The following CBFA2T3 variants were observed in gnomAD, a reference collection of about 807,000 sequenced individuals.
The protein encoded by CBFA2T3 is transcriptional corepressor CBFA2T3.
A neutral mutation model predicts 58.6 loss-of-function variants in CBFA2T3; 31 were observed. The observed-to-expected ratio is 0.53, with a 90% CI of 0.40 to 0.71. The LOEUF (loss-of-function observed/expected upper bound fraction) is 0.71. Among genes scored for constraint, CBFA2T3 ranks in the 30% least tolerant of loss-of-function variants. The pLI, the probability that CBFA2T3 is intolerant of heterozygous loss-of-function variation, is 0.00. For missense variants in CBFA2T3, 1,076 were observed against 963.1 expected, an observed-to-expected ratio of 1.12 and a Z score of -1.55; for synonymous variants, 531 against 421.9, an observed-to-expected ratio of 1.26 and a Z score of -3.17.
At chr16:88,931,715 G>C (rs181045921) in intron 1 of CBFA2T3, among the ~76,000 whole-genome samples, 125 of 152,288 alleles carry the variant, frequency 8.2e-4, no homozygotes, top group African/African-American at 2.8e-3. Context: ...TCAGGCCTCT[G>C]CTTGTCCCTC....
chr16:88,971,020 T>C (rs1972642757), intron 1 of CBFA2T3, among the ~76,000 whole-genome samples: 1 of 151,308 alleles, frequency 6.6e-6, no homozygotes, highest in Non-Finnish European at 1.5e-5. Context: ...GGGCTGTGAG[T>C]GCCGGAGGCC....
intron 1 of CBFA2T3, among the ~76,000 whole-genome samples, chr16:88,903,249 C>T (rs1446210826): frequency 6.6e-6 from 1 of 152,216 alleles, no homozygotes; most frequent in Non-Finnish European, 1.5e-5. Context: ...CCTCTTGCCG[C>T]CGGCTCCTTT....
intron 1 of CBFA2T3, among the ~76,000 whole-genome samples, chr16:88,904,261 C>A (rs1285962156): frequency 6.6e-6 from 1 of 152,118 alleles, no homozygotes; most frequent in South Asian, 2.1e-4. Flanking sequence ...TGGACAGAGG[C>A]TCACTGCAGG....
intron 1 of CBFA2T3, among the ~76,000 whole-genome samples, chr16:88,960,785 C>A (rs1972336577): frequency 6.6e-6 from 1 of 152,342 alleles, no homozygotes; most frequent in Middle Eastern, 3.4e-3. Context: ...TGTTTACACC[C>A]CCGTTAGGTT....
chr16:88,935,324 G>T (rs1971462114), intron 1 of CBFA2T3, among the ~76,000 whole-genome samples: 1 of 152,292 alleles, frequency 6.6e-6, no homozygotes, highest in South Asian at 2.1e-4. Flanking sequence ...AAGGCAAGGG[G>T]AGGGGCCCGG....
chr16:88,899,815 G>A (rs751446971), intron 2 of CBFA2T3, among the ~76,000 whole-genome samples: 4 of 152,202 alleles, frequency 2.6e-5, no homozygotes, highest in African/African-American at 4.8e-5. Flanking sequence ...CGGGTCTCCC[G>A]TGGTCCGTCC....
intron 1 of CBFA2T3, among the ~76,000 whole-genome samples, chr16:88,929,844 C>G (rs1971225766): frequency 6.6e-6 from 1 of 150,894 alleles, no homozygotes; most frequent in Admixed American, 6.6e-5. Flanking sequence ...CTGCATCATC[C>G]ACGCAAAAGC....
chr16:88,894,946 C>T (rs1435943810), intron 3 of CBFA2T3, among the ~76,000 whole-genome samples: 1 of 152,160 alleles, frequency 6.6e-6, no homozygotes, highest in Non-Finnish European at 1.5e-5. Flanking sequence ...CTTCCTGTGC[C>T]CTGGATGGTG....
chr16:88,962,808 C>T (rs11076740), intron 1 of CBFA2T3, among the ~76,000 whole-genome samples: 23,124 of 152,200 alleles, frequency 0.15, 2,010 homozygotes, highest in Middle Eastern at 0.25. Flanking sequence ...GTCTGTGCCC[C>T]GAACCCTGGA....
intron 1 of CBFA2T3, among the ~76,000 whole-genome samples, chr16:88,936,243 C>T (rs1014830421): frequency 2.6e-5 from 4 of 152,204 alleles, no homozygotes; most frequent in Admixed American, 6.5e-5. Flanking sequence ...TCCTGGGCGT[C>T]TCCCAGGTAT....
At chr16:88,970,235 G>A (rs999867653) in intron 1 of CBFA2T3, among the ~76,000 whole-genome samples, 1 of 152,236 alleles carries the variant, frequency 6.6e-6, no homozygotes, top group African/African-American at 2.4e-5. Context: ...GATCAGCTGG[G>A]TGTCAGGATG....
Position 88,976,802 on chromosome 16 carries a change from C to G in CBFA2T3, c.6G>C (p.Pro2=). 6.4e-7 allele frequency: 1 copy of G among 1,552,716 alleles called. No homozygotes were observed. Among genetic ancestry groups the G allele is most frequent in the Non-Finnish European group, 8.7e-7 (1 of 1,147,226 alleles). Residue 2 remains proline (P), a synonymous_variant, in exon 1 of 12, where the codon CCG becomes CCC. Transcript: ENST00000268679. The part of the protein sequence containing the change: M[P]ASRLRDRAAS... ...CTGCCCTGTCCCTCAGTCTTGAAGCCGGCATGAGGAGGGCCACCCTCAGGG... is the reference window on the plus strand; with the variant it reads ...CTGCCCTGTCCCTCAGTCTTGAAGCGGGCATGAGGAGGGCCACCCTCAGGG...
chr16:88,941,102 T>G lies in CBFA2T3; in HGVS notation c.151+35555A>C, dbSNP rs1246857169. 3 of 983,956 alleles carry G rather than the reference T, an allele frequency of 3.0e-6. No homozygotes were observed. In the East Asian group the frequency reaches 3.4e-4, roughly 113 times the overall value. The allele number at this position is 983,956 out of a possible 1,614,324, so 61.0% of individuals were successfully genotyped here. ...CCGGGAGTCGCTGCTCCTTCCAGCT[T>G]GGTCCCCGCCTCCACGACTCAGGGG... On this transcript the variant is annotated intron_variant, in intron 1 of 11. Transcript: ENST00000268679.
chr16:88,971,045 G>T (rs1012366235), intron 1 of CBFA2T3, among the ~76,000 whole-genome samples: 11 of 152,248 alleles, frequency 7.2e-5, no homozygotes, highest in African/African-American at 2.6e-4. Context: ...CGGTGGGGTC[G>T]GGCCGGGAGG....
chr16:88,965,341 C>G (rs1016637882), intron 1 of CBFA2T3, among the ~76,000 whole-genome samples: 5 of 152,212 alleles, frequency 3.3e-5, no homozygotes, highest in Admixed American at 2.6e-4. Flanking sequence ...AGACCAGATG[C>G]CAAACACTGG....
chr16:88,974,686 C>G (rs1389114603), intron 1 of CBFA2T3, among the ~76,000 whole-genome samples: 2 of 152,182 alleles, frequency 1.3e-5, no homozygotes, highest in South Asian at 2.1e-4. Flanking sequence ...TTTAGGAACT[C>G]TTGGGAGGCC....
Position 88,875,176 on chromosome 16 carries a change from A to G in CBFA2T3, c.*1800T>C, listed in dbSNP as rs1269298270. ...ACACAGATGCCAGGCCACGGGCCACACCACGCACACAGATGCCAAGCCACG... is the reference window on the plus strand; with the variant it reads ...ACACAGATGCCAGGCCACGGGCCACGCCACGCACACAGATGCCAAGCCACG... On this transcript the variant is annotated 3_prime_UTR_variant, in exon 12 of 12. Transcript: ENST00000268679. 292 of 220,220 alleles carry G rather than the reference A, an allele frequency of 1.3e-3. 2 individuals carry two copies. The highest frequency in any genetic ancestry group is 7.4e-3 in the Admixed American group (124 of 16,796). The allele number at this position is 220,220 out of a possible 1,614,324, so 13.6% of individuals were successfully genotyped here. A position where few individuals can be genotyped will look rare whatever the true frequency, so the allele number is the denominator to read the frequency against.
chr16:88,908,451 C>G (rs927774895), intron 1 of CBFA2T3, among the ~76,000 whole-genome samples: 2 of 152,192 alleles, frequency 1.3e-5, no homozygotes, highest in African/African-American at 2.4e-5. Flanking sequence ...CAGTTCCCAG[C>G]AAAATGTCAC....
At chr16:88,943,623 G>C (rs1971820424) in intron 1 of CBFA2T3, among the ~76,000 whole-genome samples, 1 of 152,188 alleles carries the variant, frequency 6.6e-6, no homozygotes, top group Non-Finnish European at 1.5e-5. Flanking sequence ...TGGTCAGATG[G>C]TCCTGGCAGT....
Sources: allele counts gnomAD v4.1 joint callset (sites outside exome capture counted in the v4.1 genomes callset), GRCh38; gene constraint gnomAD v4.1.1; transcripts MANE v1.5; gene names NCBI Gene and HGNC (gene_info 2026-07-23, HGNC 2026-07-21).